ESYT2: variants seen among roughly 807,000 people sequenced by gnomAD.
ESYT2 encodes the protein extended synaptotagmin 2, also known as extended synaptotagmin-2.
Under a neutral mutation model 107.2 loss-of-function variants are expected in ESYT2, and 54 were observed. The observed-to-expected ratio is 0.50, with a 90% CI of 0.40 to 0.63. The LOEUF (loss-of-function observed/expected upper bound fraction) is 0.63. Among genes scored for constraint, ESYT2 ranks in the 30% least tolerant of loss-of-function variants. The probability of loss-of-function intolerance (pLI) is 0.00; values close to 1 mark genes in which losing one functional copy is unlikely to be tolerated. For synonymous variants in ESYT2, 491 were observed against 434.1 expected (o/e 1.13, Z -1.63); for missense variants, 1,020 against 1,094.5 (o/e 0.93, Z 0.96).
At chr7:158,758,542 T>C (rs1021865568) in intron 13 of ESYT2, among the ~76,000 whole-genome samples, 7 of 152,210 alleles carry the variant, frequency 4.6e-5, no homozygotes, top group African/African-American at 1.4e-4. Flanking sequence ...ACGATTTATG[T>C]ACAAATGCAC....
intron 21 of ESYT2, among the ~76,000 whole-genome samples, chr7:158,735,067 T>A (rs1180193358): frequency 6.6e-6 from 1 of 152,348 alleles, no homozygotes; most frequent in Middle Eastern, 3.4e-3. Context: ...GTGCCCTCCA[T>A]GGCAGCACAG....
intron 7 of ESYT2, among the ~76,000 whole-genome samples, chr7:158,771,255 G>T (rs1838358832): frequency 6.6e-6 from 1 of 152,194 alleles, no homozygotes; most frequent in Non-Finnish European, 1.5e-5. Context: ...CAATAATGCT[G>T]TTTTATTTCA....
intron 8 of ESYT2, among the ~76,000 whole-genome samples, chr7:158,766,199 C>T (rs571336811): frequency 6.6e-6 from 1 of 152,162 alleles, no homozygotes; most frequent in Admixed American, 6.5e-5. Flanking sequence ...AGTGATATTC[C>T]TCATTCAATC....
At chr7:158,746,254 A>ACG (rs1491533604) in intron 16 of ESYT2, among the ~76,000 whole-genome samples, 2 of 149,482 alleles carry the variant, frequency 1.3e-5, no homozygotes, top group East Asian at 2.0e-4. Flanking sequence ...ACACACACAC[A>ACG]CGCCCCTCCA....
Position 158,829,218 on chromosome 7 carries a change from G to A in ESYT2, c.201C>T (p.Leu67=), listed in dbSNP as rs759744316. The A allele has an allele frequency of 7.8e-6, 12 of 1,529,158 alleles. No homozygotes were observed. The highest frequency in any genetic ancestry group is 4.0e-5 in the Admixed American group (2 of 50,220). The allele number at this position is 1,529,158 out of a possible 1,614,324, so 94.7% of individuals were successfully genotyped here. A position where few individuals can be genotyped will look rare whatever the true frequency, so the allele number is the denominator to read the frequency against. ...TGCGGCGACACCAGGCGAGCAGCGC[G>A]AGCGCGAGGAGAACCCAGCTGAAGC... is the stretch of plus-strand genomic sequence containing the variant. ...GLSFSWVLLA[L]ALLAWCRRSR... The change falls in exon 1 of 23, where the codon CTC becomes CTT. Residue 67 remains leucine, a synonymous_variant. Coordinates refer to ENST00000275418, the MANE Select transcript of ESYT2 (RefSeq NM_001367773.1).
At chr7:158,791,355 T>C (rs1290311941) in intron 4 of ESYT2, among the ~76,000 whole-genome samples, 1 of 152,240 alleles carries the variant, frequency 6.6e-6, no homozygotes, top group African/African-American at 2.4e-5. Context: ...GCTTCCGCCT[T>C]GTAGCTATTG....
chr7:158,777,178 G>C (rs146802962), intron 6 of ESYT2, among the ~76,000 whole-genome samples: 1 of 152,002 alleles, frequency 6.6e-6, no homozygotes, highest in African/African-American at 2.4e-5. Flanking sequence ...AGTGAGAGGC[G>C]TTCAACTCTG....
chr7:158,767,473 G>A (rs1838202422), intron 8 of ESYT2, among the ~76,000 whole-genome samples, 181 bp downstream of exon 8: 1 of 152,186 alleles, frequency 6.6e-6, no homozygotes, highest in African/African-American at 2.4e-5. Flanking sequence ...TTTAGGATCA[G>A]CGCACATCAG....
At chr7:158,783,563 G>A (rs1231091174) in intron 6 of ESYT2, among the ~76,000 whole-genome samples, 3 of 152,218 alleles carry the variant, frequency 2.0e-5, no homozygotes, top group Non-Finnish European at 2.9e-5. Context: ...CCACACGGGA[G>A]AGCTGACATC....
At chr7:158,827,024 G>C (rs1441907035) in intron 1 of ESYT2, among the ~76,000 whole-genome samples, 1 of 151,054 alleles carries the variant, frequency 6.6e-6, no homozygotes. Context: ...TTAGCTGGGC[G>C]TGATGGTGCA....
At chr7:158,759,058 T>C (rs1447296553) in intron 13 of ESYT2, among the ~76,000 whole-genome samples, 1 of 152,220 alleles carries the variant, frequency 6.6e-6, no homozygotes, top group Non-Finnish European at 1.5e-5. Context: ...TGCCATCTGA[T>C]GCCCCACGGA....
At chr7:158,763,936 G>A (rs1379438315) in intron 9 of ESYT2, among the ~76,000 whole-genome samples, 1 of 152,152 alleles carries the variant, frequency 6.6e-6, no homozygotes, top group Non-Finnish European at 1.5e-5. Flanking sequence ...CAAAGGAGTG[G>A]GGGAGAGGAG....
At chr7:158,781,626 T>A (rs1838818889) in intron 6 of ESYT2, among the ~76,000 whole-genome samples, 1 of 78,896 alleles carries the variant, frequency 1.3e-5, no homozygotes, top group Non-Finnish European at 3.8e-5. Flanking sequence ...TGAACGAGTG[T>A]GAGAACAAAG....
chr7:158,749,814 G>T, intron 14 of ESYT2, 91 bp from the exon 15 acceptor site: 1 of 1,162,842 alleles, frequency 8.6e-7, no homozygotes, highest in Non-Finnish European at 1.2e-6. Context: ...TATATTAGTA[G>T]TCATTTTTAT....
At chr7:158,759,999 G>A in intron 12 of ESYT2, 59 bp downstream of exon 12, 1 of 1,474,454 alleles carries the variant, frequency 6.8e-7, no homozygotes, top group Non-Finnish European at 9.5e-7. Flanking sequence ...GAGAGACCAA[G>A]CTCAGTTATG....
chr7:158,756,930 A>G (rs1837777923), intron 13 of ESYT2, among the ~76,000 whole-genome samples: 1 of 151,824 alleles, frequency 6.6e-6, no homozygotes, highest in African/African-American at 2.4e-5. Context: ...AAAAAAAAAA[A>G]AAAAAAAAAG....
At chr7:158,780,928 ATGAG>A (rs1239705483) in intron 6 of ESYT2, among the ~76,000 whole-genome samples, 1 of 152,238 alleles carries the variant, frequency 6.6e-6, no homozygotes, top group Non-Finnish European at 1.5e-5. Context: ...ACACGTGTGT[ATGAG>A]TGAGAATGTG....
chr7:158,784,578 G>A (rs1398746445), intron 6 of ESYT2, among the ~76,000 whole-genome samples: 1 of 152,238 alleles, frequency 6.6e-6, no homozygotes, highest in Non-Finnish European at 1.5e-5. Flanking sequence ...AGCGAGCAGA[G>A]GTGGAGAGAG....
intron 18 of ESYT2, 35 bp from the exon 19 acceptor site, chr7:158,739,156 T>A: frequency 7.1e-6 from 11 of 1,548,326 alleles, no homozygotes; most frequent in African/African-American, 1.4e-5. Context: ...CCAGCTTGCC[T>A]GAGACTGGAG....
Sources: allele counts gnomAD v4.1 joint callset (sites outside exome capture counted in the v4.1 genomes callset), GRCh38; gene constraint gnomAD v4.1.1; transcripts MANE v1.5; gene names NCBI Gene and HGNC (gene_info 2026-07-23, HGNC 2026-07-21).